The following SH3KBP1 variants were observed in gnomAD, a reference collection of about 807,000 sequenced individuals.
SH3KBP1 encodes the protein SH3 domain containing kinase binding protein 1.
SH3KBP1 carries 8 observed loss-of-function variants against 50.1 expected under a neutral mutation model. The ratio of observed to expected loss-of-function variants is 0.16; its 90% CI spans 0.09 to 0.29. The LOEUF is 0.29. Among genes scored for constraint, SH3KBP1 ranks in the 10% least tolerant of loss-of-function variants. The pLI is 1.00. For synonymous variants in SH3KBP1, 227 were observed against 218.6 expected (o/e 1.04, Z -0.34); for missense variants, 377 against 535.2 (o/e 0.70, Z 2.92).
chrX:19,663,892 C>T (rs2062529231), intron 6 of SH3KBP1, among the ~76,000 whole-genome samples: 1 of 111,963 alleles, frequency 8.9e-6, no homozygotes, highest in South Asian at 3.7e-4. Flanking sequence ...TCAAGACCAG[C>T]TTGAACAATG....
At chrX:19,588,616 G>A (rs377076113) in intron 12 of SH3KBP1, 27 bp downstream of exon 12, 86 of 1,203,113 alleles carry the variant, frequency 7.1e-5, no homozygotes, top group African/African-American at 5.0e-4. Flanking sequence ...CCCCACACCC[G>A]CCCCGGAGGT....
chrX:19,682,848 T>C (rs747935175), intron 6 of SH3KBP1, among the ~76,000 whole-genome samples: 1 of 101,764 alleles, frequency 9.8e-6, no homozygotes, highest in South Asian at 4.6e-4. Context: ...GGGGTGGATG[T>C]CCTACAGCTG....
At chrX:19,814,255 T>C (rs1234423643) in intron 2 of SH3KBP1, among the ~76,000 whole-genome samples, 1 of 110,865 alleles carries the variant, frequency 9.0e-6, no homozygotes, top group Non-Finnish European at 1.9e-5. Flanking sequence ...CACCCCCTGG[T>C]CTCCCCTGTA....
chrX:19,643,997 T>C (rs1026592943), intron 7 of SH3KBP1, among the ~76,000 whole-genome samples: 5 of 111,997 alleles, frequency 4.5e-5, no homozygotes, highest in Non-Finnish European at 9.4e-5. Context: ...TCCCCCACCA[T>C]GCTGTTCCTA....
At chrX:19,763,425 G>A (rs1345020742) in intron 2 of SH3KBP1, among the ~76,000 whole-genome samples, 1 of 112,129 alleles carries the variant, frequency 8.9e-6, no homozygotes. Context: ...TATGCTTACC[G>A]TTATCCACTT....
chrX:19,548,282 C>G (rs774644263), intron 14 of SH3KBP1, among the ~76,000 whole-genome samples: 1 of 112,162 alleles, frequency 8.9e-6, no homozygotes, highest in East Asian at 2.8e-4. Context: ...TTCTGTAATT[C>G]TGGAAGTCAC....
At chrX:19,593,923 G>C (rs1450914759) in intron 10 of SH3KBP1, among the ~76,000 whole-genome samples, 1 of 112,057 alleles carries the variant, frequency 8.9e-6, no homozygotes, top group Non-Finnish European at 1.9e-5. Context: ...AACAAGGATG[G>C]GGGCGGAGCA....
At chrX:19,686,340 C>T (rs923698079) in intron 5 of SH3KBP1, among the ~76,000 whole-genome samples, 2 of 111,658 alleles carry the variant, frequency 1.8e-5, no homozygotes, top group Non-Finnish European at 3.8e-5. Flanking sequence ...GCCCATCATG[C>T]ACATTATCCC....
chrX:19,550,824 G>A (rs1486266543), intron 13 of SH3KBP1, among the ~76,000 whole-genome samples: 1 of 110,351 alleles, frequency 9.1e-6, no homozygotes, highest in African/African-American at 3.3e-5. Flanking sequence ...TGACAACCCC[G>A]ATGGGCTGCA....
intron 2 of SH3KBP1, among the ~76,000 whole-genome samples, chrX:19,826,812 A>G: frequency 8.9e-6 from 1 of 112,124 alleles, no homozygotes; most frequent in Non-Finnish European, 1.9e-5. Flanking sequence ...ACAATCATCC[A>G]TATAATTCAC....
intron 2 of SH3KBP1, among the ~76,000 whole-genome samples, chrX:19,784,860 C>T (rs1394120105): frequency 9.0e-6 from 1 of 111,370 alleles, no homozygotes; most frequent in African/African-American, 3.3e-5. Context: ...CTGCTCACCT[C>T]GGCCTCCCAA....
chrX:19,550,087 A>T lies in SH3KBP1; in HGVS notation c.1385-4T>A. ...ACGGAGTCAAAACCTTCTAAGTCTA[A>T]AACAAAAGTAAAACAGTTTTAAGAG... On this transcript the variant is annotated splice_polypyrimidine_tract_variant and splice_region_variant and intron_variant, in intron 13 of 17. Coordinates refer to ENST00000397821, the MANE Select transcript of SH3KBP1 (RefSeq NM_031892.3). 1.7e-6 allele frequency: 2 copies of T among 1,168,284 alleles called. No individual in the cohort carries two copies. The highest frequency in any genetic ancestry group is 1.2e-6 in the Non-Finnish European group (1 of 857,558).
intron 5 of SH3KBP1, among the ~76,000 whole-genome samples, chrX:19,688,922 T>C (rs966041036): frequency 3.6e-5 from 4 of 111,225 alleles, no homozygotes; most frequent in Non-Finnish European, 7.5e-5. Context: ...CACTCCATGT[T>C]AAAATGGGAA....
chrX:19,878,529 A>G (rs887526463), intron 1 of SH3KBP1, among the ~76,000 whole-genome samples: 1 of 103,793 alleles, frequency 9.6e-6, no homozygotes, highest in East Asian at 3.0e-4. Flanking sequence ...AGAGAGAGAG[A>G]GAGAAAATAA....
At chrX:19,846,496 A>G (rs979922807) in intron 1 of SH3KBP1, among the ~76,000 whole-genome samples, 2 of 112,128 alleles carry the variant, frequency 1.8e-5, no homozygotes, top group Non-Finnish European at 3.8e-5. Context: ...GAGGATGAGT[A>G]GAGATTTTCC....
chrX:19,858,950 AT>A (rs780164599), intron 1 of SH3KBP1, among the ~76,000 whole-genome samples: 2 of 111,926 alleles, frequency 1.8e-5, no homozygotes, highest in South Asian at 7.4e-4. Context: ...CATGGTTTAC[AT>A]TTTCCAACTG....
At chrX:19,881,283 C>G (rs1219632993) in intron 1 of SH3KBP1, among the ~76,000 whole-genome samples, 1 of 111,758 alleles carries the variant, frequency 8.9e-6, no homozygotes, top group Non-Finnish European at 1.9e-5. Context: ...ATTCCAGAGC[C>G]ACTTAGGGCT....
At chrX:19,858,290 A>C (rs2068700574) in intron 1 of SH3KBP1, among the ~76,000 whole-genome samples, 1 of 111,884 alleles carries the variant, frequency 8.9e-6, no homozygotes, top group South Asian at 3.7e-4. Context: ...CATAAAGCTA[A>C]AAGAAAATCA....
chrX:19,631,149 C>A, intron 8 of SH3KBP1, among the ~76,000 whole-genome samples: 1 of 112,548 alleles, frequency 8.9e-6, no homozygotes, highest in Middle Eastern at 4.6e-3. Flanking sequence ...TCTTCAAGAC[C>A]ATTCAGCTTC....
Sources: allele counts gnomAD v4.1 joint callset (sites outside exome capture counted in the v4.1 genomes callset), GRCh38; gene constraint gnomAD v4.1.1; transcripts MANE v1.5; gene names NCBI Gene and HGNC (gene_info 2026-07-23, HGNC 2026-07-21).